Variants in CDH10 observed in about 807,000 individuals in gnomAD.
CDH10 encodes cadherin 10, also known as cadherin-10.
A neutral mutation model predicts 73.1 loss-of-function variants in CDH10; 30 were observed. The ratio of observed to expected loss-of-function variants is 0.41; its 90% confidence interval spans 0.31 to 0.56. The LOEUF (loss-of-function observed/expected upper bound fraction) is 0.56. CDH10 is among the 20% of genes least tolerant of loss of function. The probability of loss-of-function intolerance (pLI) is 0.27; values close to 1 mark genes in which losing one functional copy is unlikely to be tolerated. For synonymous variants in CDH10, 345 were observed against 348.2 expected, an observed-to-expected ratio of 0.99 and a Z score of 0.10; for missense variants, 815 against 973.7, an observed-to-expected ratio of 0.84 and a Z score of 2.17.
intron 2 of CDH10, among the ~76,000 whole-genome samples, chr5:24,540,291 T>C (rs1402160037): frequency 6.6e-6 from 1 of 151,936 alleles, no homozygotes; most frequent in East Asian, 1.9e-4. Flanking sequence ...ATATAGAATA[T>C]AGATTTGGAA....
At chr5:24,547,241 G>T (rs1216462319) in intron 2 of CDH10, among the ~76,000 whole-genome samples, 9 of 152,082 alleles carry the variant, frequency 5.9e-5, no homozygotes, top group Non-Finnish European at 4.4e-5. Context: ...GATGAGGTAG[G>T]TAAGCAACAG....
chr5:24,491,598 G>C lies in CDH10; in HGVS notation c.1854C>G (p.Leu618=), dbSNP rs1742055773. ...TACCCAGTAGAATGATGATGCAGAG[G>C]AGGATGGCGATCAAGGCCCCAGTGC... is the stretch of plus-strand genomic sequence containing the variant. The part of the protein sequence containing the change: ...GLSTGALIAI[L]LCIIILLVIV... The change falls in exon 11 of 12, where the codon CTC becomes CTG. Residue 618 remains leucine, a synonymous_variant. Coordinates refer to ENST00000264463, the MANE Select transcript of CDH10 (RefSeq NM_006727.5). 3.7e-6 allele frequency: 6 copies of C among 1,613,586 alleles called. No homozygotes were observed. The highest frequency in any genetic ancestry group is 2.5e-6 in the Non-Finnish European group (3 of 1,179,694).
chr5:24,594,148 C>T (rs898747793), intron 1 of CDH10, among the ~76,000 whole-genome samples: 1 of 151,786 alleles, frequency 6.6e-6, no homozygotes, highest in African/African-American at 2.4e-5. Context: ...CTAGGAATGC[C>T]TTCCTTTGAA....
chr5:24,528,689 A>G (rs976175395), intron 5 of CDH10, among the ~76,000 whole-genome samples: 1 of 152,022 alleles, frequency 6.6e-6, no homozygotes, highest in African/African-American at 2.4e-5. Flanking sequence ...CAACATGCAT[A>G]CACATTTTAA....
intron 2 of CDH10, among the ~76,000 whole-genome samples, chr5:24,573,205 T>C (rs1184090022): frequency 6.6e-6 from 1 of 151,656 alleles, no homozygotes; most frequent in Non-Finnish European, 1.5e-5. Flanking sequence ...AGTTAAAAAA[T>C]AGTGACAGAA....
chr5:24,542,417 CTA>C (rs1744187151), intron 2 of CDH10, among the ~76,000 whole-genome samples: 1 of 152,060 alleles, frequency 6.6e-6, no homozygotes, highest in Admixed American at 6.6e-5. Context: ...TGTATATTTT[CTA>C]TGTTTAGATA....
intron 9 of CDH10, among the ~76,000 whole-genome samples, chr5:24,493,204 G>A (rs981032369): frequency 1.6e-4 from 25 of 151,840 alleles, no homozygotes; most frequent in African/African-American, 6.0e-4. Flanking sequence ...CACTTAAAAT[G>A]AGATTATTTT....
In CDH10 at chr5:24,593,617, C is replaced by T; in HGVS notation, c.-123-4G>A. On this transcript the variant is annotated splice_polypyrimidine_tract_variant and splice_region_variant and intron_variant, in intron 1 of 11. Transcript: ENST00000264463. The stretch of plus-strand genomic sequence containing the variant: ...GTTTTGTTCATGTTTCCCAAAGCTT[C>T]AAACAAACAAACAAACAAAAAAAGT... The T allele has an allele frequency of 1.8e-6, 1 of 546,276 alleles. No individual in the cohort carries two copies. The highest frequency in any genetic ancestry group is 3.2e-6 in the Non-Finnish European group (1 of 308,610). The allele number at this position is 546,276 out of a possible 1,614,324, so 33.8% of individuals were successfully genotyped here. A position where few individuals can be genotyped will look rare whatever the true frequency, so the allele number is the denominator to read the frequency against.
chr5:24,511,662 A>T, intron 5 of CDH10, 148 bp from the exon 6 acceptor site: 1 of 591,636 alleles, frequency 1.7e-6, no homozygotes, highest in Non-Finnish European at 3.0e-6. Context: ...TCTAAATCAG[A>T]TGTTGACAAA....
chr5:24,535,488 G>C (rs755261275), intron 4 of CDH10, among the ~76,000 whole-genome samples: 1 of 151,984 alleles, frequency 6.6e-6, no homozygotes, highest in Non-Finnish European at 1.5e-5. Context: ...CATGTGCTTT[G>C]AGTGGCCTAT....
rs200731451 is a variant in CDH10, at chr5:24,529,682, C to CTGCATACAT, written c.814+5421_814+5429dup. Among the ~76,000 whole-genome samples the CTGCATACAT allele has an allele frequency of 5.0e-3, 755 of 152,022 alleles. 8 individuals carry two copies. The highest frequency in any genetic ancestry group is 0.017 in the African/African-American group (713 of 41,512). ...ATTGATTATCTATATACATAATACC[C>CTGCATACAT]TGCATACATATGAGAGAGTCACTCA... On this transcript the variant is annotated intron_variant, in intron 5 of 11. Transcript: ENST00000264463.
At chr5:24,540,700 G>C (rs1034579663) in intron 2 of CDH10, among the ~76,000 whole-genome samples, 5 of 151,872 alleles carry the variant, frequency 3.3e-5, no homozygotes, top group African/African-American at 1.2e-4. Flanking sequence ...ATTACTATAC[G>C]ATTTACTTGA....
intron 1 of CDH10, among the ~76,000 whole-genome samples, chr5:24,627,444 T>G (rs1747548791): frequency 6.6e-6 from 1 of 151,942 alleles, no homozygotes; most frequent in Admixed American, 6.6e-5. Flanking sequence ...TAGAGTGAAA[T>G]AATAGATCAC....
chr5:24,567,538 G>T (rs1745207341), intron 2 of CDH10, among the ~76,000 whole-genome samples: 1 of 151,582 alleles, frequency 6.6e-6, no homozygotes, highest in African/African-American at 2.4e-5. Context: ...AAAGAAGCTG[G>T]ATATGTAAGA....
intron 5 of CDH10, among the ~76,000 whole-genome samples, chr5:24,530,795 C>T (rs1181476103): frequency 6.6e-6 from 1 of 152,018 alleles, no homozygotes; most frequent in Non-Finnish European, 1.5e-5. Flanking sequence ...TTTTAAGGTG[C>T]ATCCCTACCT....
At chr5:24,544,016 C>T (rs1744248440) in intron 2 of CDH10, among the ~76,000 whole-genome samples, 1 of 152,128 alleles carries the variant, frequency 6.6e-6, no homozygotes. Context: ...AAGTGGAAGG[C>T]CGGGTGTGGT....
chr5:24,578,472 C>T, intron 2 of CDH10: 1 of 363,334 alleles, frequency 2.8e-6, no homozygotes. Context: ...AGAATCTCTG[C>T]TTCAGAATCA....
intron 8 of CDH10, among the ~76,000 whole-genome samples, chr5:24,504,048 T>A (rs1742592827): frequency 6.6e-6 from 1 of 152,146 alleles, no homozygotes; most frequent in South Asian, 2.1e-4. Flanking sequence ...TTCAAGCTCA[T>A]TTTTATTAGT....
chr5:24,582,062 A>T (rs1050259231), intron 2 of CDH10, among the ~76,000 whole-genome samples: 2 of 152,200 alleles, frequency 1.3e-5, no homozygotes, highest in African/African-American at 4.8e-5. Flanking sequence ...TGAAAAGATT[A>T]AAGCTAGGTT....
Sources: gnomAD v4.1 joint callset for allele counts (sites outside exome capture counted in the v4.1 genomes callset) on GRCh38, gnomAD v4.1.1 for gene constraint, MANE v1.5 for transcripts, NCBI Gene and HGNC (gene_info 2026-07-23, HGNC 2026-07-21) for gene names.